The following PGAP1 variants were observed in gnomAD, a reference collection of about 807,000 sequenced individuals.
PGAP1 encodes the protein post-GPI attachment to proteins inositol deacylase 1.
Under a neutral mutation model 127.0 loss-of-function variants are expected in PGAP1, and 76 were observed. The ratio of observed to expected loss-of-function variants is 0.60; its 90% CI spans 0.50 to 0.72. PGAP1 has a LOEUF of 0.72. PGAP1 is among the 30% of genes least tolerant of loss of function. The pLI is 0.00. For synonymous variants in PGAP1, 362 were observed against 366.5 expected, an observed-to-expected ratio of 0.99 and a Z score of 0.14; for missense variants, 982 against 1,071.3, an observed-to-expected ratio of 0.92 and a Z score of 1.16.
intron 4 of PGAP1, among the ~76,000 whole-genome samples, chr2:196,906,923 C>T (rs971813855): frequency 4.3e-5 from 6 of 138,256 alleles, no homozygotes; most frequent in Non-Finnish European, 9.2e-5. Context: ...AAGAAATGAG[C>T]AAAACCTCCA....
chr2:196,844,126 C>G, intron 24 of PGAP1, 51 bp from the exon 25 acceptor site: 3 of 1,103,212 alleles, frequency 2.7e-6, no homozygotes, highest in Non-Finnish European at 3.7e-6. Flanking sequence ...AAGTATATTA[C>G]TTTATTTAGA....
At chr2:196,866,875 C>T (rs1312459377) in intron 19 of PGAP1, among the ~76,000 whole-genome samples, 2 of 151,560 alleles carry the variant, frequency 1.3e-5, no homozygotes, top group Non-Finnish European at 2.9e-5. Flanking sequence ...AAAAAATCAT[C>T]GTATGTTTTT....
At chr2:196,894,832 A>C (rs1702222075) in intron 7 of PGAP1, among the ~76,000 whole-genome samples, 1 of 152,024 alleles carries the variant, frequency 6.6e-6, no homozygotes, top group African/African-American at 2.4e-5. Flanking sequence ...AAAACAAAAA[A>C]ACTTTAAGAC....
intron 2 of PGAP1, 41 bp from the exon 3 acceptor site, chr2:196,916,634 A>C: frequency 1.3e-6 from 2 of 1,522,490 alleles, no homozygotes; most frequent in Non-Finnish European, 1.8e-6. Flanking sequence ...AACAATATTT[A>C]CAGGTTTCAT....
intron 3 of PGAP1, among the ~76,000 whole-genome samples, 189 bp downstream of exon 3, chr2:196,916,229 T>C (rs1703002881): frequency 6.6e-6 from 1 of 152,190 alleles, no homozygotes. Flanking sequence ...CCATAAGAAA[T>C]GTTTCTTATA....
At chr2:196,882,644 C>T (rs548728732) in intron 12 of PGAP1, among the ~76,000 whole-genome samples, 36 of 152,130 alleles carry the variant, frequency 2.4e-4, no homozygotes, top group Non-Finnish European at 4.4e-4. Context: ...TGATTTGGCT[C>T]TTGGCTTGAC....
rs751232298 is a variant in PGAP1, at chr2:196,892,391, C to T, written c.1044G>A (p.Met348Ile). ...AIISDLTGTSMWVLVKVSKWT... is the reference protein window; with the variant it reads ...AIISDLTGTSIWVLVKVSKWT... ...ATTTGGACACTTTTACTAGAACCCA[C>T]ATAGATGTCCCTGAAGGTAAAGGAA... is the stretch of plus-strand genomic sequence containing the variant. Residue 348 changes from methionine (M) to isoleucine (I), a missense_variant, in exon 9 of 27, where the codon ATG (methionine) becomes ATA (isoleucine). Coordinates refer to ENST00000354764, the MANE Select transcript of PGAP1 (RefSeq NM_024989.4). The T allele has an allele frequency of 1.4e-6, 2 of 1,448,946 alleles. No individual in the cohort carries two copies. The highest frequency in any genetic ancestry group is 1.2e-5 in the South Asian group (1 of 80,752). The allele number at this position is 1,448,946 out of a possible 1,614,324, so 89.8% of individuals were successfully genotyped here.
intron 1 of PGAP1, among the ~76,000 whole-genome samples, chr2:196,925,233 G>A (rs541637605): frequency 4.6e-5 from 7 of 152,172 alleles, no homozygotes; most frequent in African/African-American, 1.4e-4. Flanking sequence ...CCATGGGAAA[G>A]AATGCTCTTC....
At chr2:196,861,682 AGG>A (rs1701069791) in intron 20 of PGAP1, among the ~76,000 whole-genome samples, 1 of 152,174 alleles carries the variant, frequency 6.6e-6, no homozygotes, top group Non-Finnish European at 1.5e-5. Flanking sequence ...GTGGGAAGTC[AGG>A]GACCCCAAAT....
At chr2:196,886,683 A>AT (rs1701919705) in intron 10 of PGAP1, among the ~76,000 whole-genome samples, 1 of 151,994 alleles carries the variant, frequency 6.6e-6, no homozygotes, top group Non-Finnish European at 1.5e-5. Flanking sequence ...TTGAGTTTCC[A>AT]TTTGGTTACC....
At chr2:196,876,441 C>G (rs968147319) in intron 13 of PGAP1, among the ~76,000 whole-genome samples, 4 of 152,014 alleles carry the variant, frequency 2.6e-5, no homozygotes, top group African/African-American at 9.7e-5. Flanking sequence ...AAAAGTAAAA[C>G]TATAATGTGA....
intron 4 of PGAP1, 133 bp downstream of exon 4, chr2:196,912,749 G>A (rs1341566553): frequency 1.5e-6 from 1 of 652,018 alleles, no homozygotes; most frequent in Non-Finnish European, 2.4e-6. Context: ...AGAATTGGAG[G>A]TGCTGATTTG....
At chr2:196,850,761 G>A (rs1700695065) in intron 20 of PGAP1, among the ~76,000 whole-genome samples, 1 of 151,544 alleles carries the variant, frequency 6.6e-6, no homozygotes, top group South Asian at 2.1e-4. Flanking sequence ...GGGAGGGGAA[G>A]GAAGGGAAGA....
intron 4 of PGAP1, among the ~76,000 whole-genome samples, chr2:196,912,372 T>C (rs934052385): frequency 1.3e-5 from 2 of 152,026 alleles, no homozygotes; most frequent in African/African-American, 4.8e-5. Flanking sequence ...TGGTGGCTTA[T>C]GCCTGTAATC....
At chr2:196,863,207 T>C (rs1701122883) in intron 20 of PGAP1, among the ~76,000 whole-genome samples, 2 of 152,156 alleles carry the variant, frequency 1.3e-5, no homozygotes, top group South Asian at 4.1e-4. Context: ...CCCAGCAATC[T>C]TACTGCTGTA....
In PGAP1 at chr2:196,873,743, T is replaced by G. The variant is rs1701475969; in HGVS notation, c.1442A>C (p.Lys481Thr). ...HLFSFGLSSRKVVLNTNGLYY... is the reference protein window; with the variant it reads ...HLFSFGLSSRTVVLNTNGLYY... The stretch of plus-strand genomic sequence containing the variant: ...TAGGCCATTTGTATTTAACACCACT[T>G]TCCTTGAAGACAATCCTGTTGAATT... The change falls in exon 15 of 27, where the codon AAA becomes ACA. Residue 481 changes from lysine to threonine, a missense_variant. Physicochemically the swap from Lys to Thr is moderately conservative, Grantham distance 78. Transcript: ENST00000354764. 6.2e-7 allele frequency: 1 copy of G among 1,610,390 alleles called. No individual in the cohort carries two copies. Among genetic ancestry groups the G allele is most frequent in the African/African-American group, 1.3e-5 (1 of 74,968 alleles).
At chr2:196,854,822 G>C (rs911448397) in intron 20 of PGAP1, among the ~76,000 whole-genome samples, 4 of 152,078 alleles carry the variant, frequency 2.6e-5, no homozygotes, top group African/African-American at 4.8e-5. Context: ...CTGTTGCCCA[G>C]GCTGGAGAGC....
At chr2:196,869,996 A>G (rs1279858826) in intron 19 of PGAP1, among the ~76,000 whole-genome samples, 1 of 152,222 alleles carries the variant, frequency 6.6e-6, no homozygotes, top group Non-Finnish European at 1.5e-5. Context: ...AAAACTATAT[A>G]ACTTCCCTAA....
At chr2:196,917,349 T>C (rs1298030980) in intron 2 of PGAP1, among the ~76,000 whole-genome samples, 1 of 152,250 alleles carries the variant, frequency 6.6e-6, no homozygotes, top group African/African-American at 2.4e-5. Context: ...AATCCACATA[T>C]TATACAACTC....
Sources: allele counts gnomAD v4.1 joint callset (sites outside exome capture counted in the v4.1 genomes callset), GRCh38; gene constraint gnomAD v4.1.1; transcripts MANE v1.5; gene names NCBI Gene and HGNC (gene_info 2026-07-23, HGNC 2026-07-21).